The following NRG1 variants were observed in gnomAD, a reference collection of about 807,000 sequenced individuals.
NRG1 encodes pro-neuregulin-1, membrane-bound isoform.
NRG1 carries 18 observed loss-of-function variants against 63.8 expected under a neutral mutation model. The observed-to-expected ratio is 0.28, with a 90% CI of 0.19 to 0.42. The LOEUF (loss-of-function observed/expected upper bound fraction) is 0.42, where lower values mean the gene tolerates loss of function less well. Among genes scored for constraint, NRG1 ranks in the 10% least tolerant of loss-of-function variants. The pLI, the probability that NRG1 is intolerant of heterozygous loss-of-function variation, is 1.00. For missense variants in NRG1, 762 were observed against 814.7 expected (o/e 0.94, Z 0.79); for synonymous variants, 302 against 301.3 (o/e 1.00, Z -0.02).
At chr8:32,278,182 C>A (rs1472362844) in intron 1 of NRG1, among the ~76,000 whole-genome samples, 2 of 152,190 alleles carry the variant, frequency 1.3e-5, no homozygotes, top group Non-Finnish European at 2.9e-5. Context: ...AATTAATGAT[C>A]TTTCCTCATT....
intron 1 of NRG1, among the ~76,000 whole-genome samples, chr8:32,514,037 C>T (rs1345015285): frequency 2.0e-5 from 3 of 152,096 alleles, no homozygotes; most frequent in Admixed American, 6.6e-5. Context: ...AGGTTCATAA[C>T]CTAAGTATTT....
chr8:31,740,651 GTA>G (rs1425093418), intron 1 of NRG1, among the ~76,000 whole-genome samples: 2 of 151,598 alleles, frequency 1.3e-5, no homozygotes, highest in Admixed American at 1.3e-4. Flanking sequence ...CGATGTGTGT[GTA>G]TGTACCTGTG....
chr8:32,580,555 T>C (rs1369995569), intron 1 of NRG1, among the ~76,000 whole-genome samples: 2 of 152,180 alleles, frequency 1.3e-5, no homozygotes, highest in Non-Finnish European at 2.9e-5. Flanking sequence ...CCCTATGAGA[T>C]AGGTTCTATT....
intron 1 of NRG1, among the ~76,000 whole-genome samples, chr8:32,361,226 C>T (rs1328992032): frequency 6.6e-6 from 1 of 152,098 alleles, no homozygotes; most frequent in Non-Finnish European, 1.5e-5. Flanking sequence ...GAGACACACC[C>T]TGAACAAGCA....
chr8:31,642,261 C>T (rs2130834517), intron 1 of NRG1, among the ~76,000 whole-genome samples: 1 of 152,298 alleles, frequency 6.6e-6, no homozygotes. Context: ...TTTTAAGCAA[C>T]ACCACTGTCC....
chr8:32,548,670 G>C, exon 1 of NRG1: 1 of 1,535,648 alleles, frequency 6.5e-7, no homozygotes, highest in Non-Finnish European at 8.8e-7. Context: ...CCGAGCCCTT[G>C]GACCAAACTC....
At chr8:32,056,136 C>A (rs1432502821) in intron 1 of NRG1, among the ~76,000 whole-genome samples, 2 of 152,154 alleles carry the variant, frequency 1.3e-5, no homozygotes, top group East Asian at 1.9e-4. Flanking sequence ...ATGCATCTGT[C>A]TGACGAGAAT....
chr8:31,938,034 G>C (rs1390249136), intron 1 of NRG1, among the ~76,000 whole-genome samples: 1 of 152,112 alleles, frequency 6.6e-6, no homozygotes, highest in African/African-American at 2.4e-5. Context: ...CCTAGGGCAA[G>C]TTTGCAACCT....
intron 1 of NRG1, among the ~76,000 whole-genome samples, chr8:31,839,382 A>G (rs562357044): frequency 6.6e-5 from 10 of 152,278 alleles, no homozygotes; most frequent in African/African-American, 2.4e-4. Context: ...TAAACAGAAA[A>G]TATTTTCTTC....
intron 1 of NRG1, among the ~76,000 whole-genome samples, chr8:31,987,717 AC>A (rs1277188029): frequency 6.6e-6 from 1 of 151,948 alleles, no homozygotes; most frequent in Non-Finnish European, 1.5e-5. Context: ...CATGTAACAA[AC>A]CTGCACATGT....
chr8:31,957,450 ACC>A (rs1804646950), intron 1 of NRG1, among the ~76,000 whole-genome samples: 1 of 152,136 alleles, frequency 6.6e-6, no homozygotes, highest in African/African-American at 2.4e-5. Context: ...GTCTGTAATG[ACC>A]ATAAGCCACT....
chr8:32,036,867 G>A (rs1005789472), intron 1 of NRG1, among the ~76,000 whole-genome samples: 1 of 152,094 alleles, frequency 6.6e-6, no homozygotes, highest in Non-Finnish European at 1.5e-5. Context: ...TCTTTGCAAT[G>A]GATTAGGACA....
chr8:32,217,393 C>T (rs559055450), intron 1 of NRG1, among the ~76,000 whole-genome samples: 14 of 152,164 alleles, frequency 9.2e-5, no homozygotes, highest in African/African-American at 3.1e-4. Flanking sequence ...CCTAACGGAG[C>T]GTCCCCTGCT....
chr8:32,351,027 C>G (rs1000752581), intron 1 of NRG1, among the ~76,000 whole-genome samples: 12 of 152,108 alleles, frequency 7.9e-5, no homozygotes, highest in Non-Finnish European at 1.8e-4. Context: ...GATCTCATGT[C>G]CACTATCGGT....
At chr8:32,713,084 A>G (rs1338895519) in intron 5 of NRG1, among the ~76,000 whole-genome samples, 2 of 152,094 alleles carry the variant, frequency 1.3e-5, no homozygotes, top group Non-Finnish European at 2.9e-5. Context: ...TTGTGTATAT[A>G]CTTAGTGTAC....
chr8:31,960,525 A>G (rs1426634769), intron 1 of NRG1, among the ~76,000 whole-genome samples: 1 of 152,214 alleles, frequency 6.6e-6, no homozygotes, highest in Non-Finnish European at 1.5e-5. Flanking sequence ...CCAGGAGATA[A>G]TTTTATTCTG....
chr8:32,672,051 C>CT (rs35596033), intron 5 of NRG1, among the ~76,000 whole-genome samples: 23 of 145,340 alleles, frequency 1.6e-4, no homozygotes, highest in South Asian at 1.1e-3. Context: ...TCATCTCCTA[C>CT]TTTTTTTTTT....
chr8:31,948,029 A>G (rs1802894465), intron 1 of NRG1, among the ~76,000 whole-genome samples: 1 of 151,142 alleles, frequency 6.6e-6, no homozygotes, highest in Non-Finnish European at 1.5e-5. Context: ...AAATTACTAT[A>G]TATATTTATA....
In NRG1 at chr8:32,617,117, C is replaced by T. The variant is rs139042819; in HGVS notation, c.502+232C>T. 6.9e-3 allele frequency among the ~76,000 whole-genome samples: 1,056 copies of T among 152,186 alleles called. 13 individuals are homozygous for T. Among genetic ancestry groups the T allele is most frequent in the African/African-American group, 0.024 (986 of 41,516 alleles). Reference sequence around the variant, plus strand: ...ATATTAAAATACACCACAAATGTATCAGTTTTAGGGTAATCTGGTGGCTTT... The same window carrying T: ...ATATTAAAATACACCACAAATGTATTAGTTTTAGGGTAATCTGGTGGCTTT... On this transcript the variant is annotated intron_variant, in intron 5 of 11. Coordinates refer to ENST00000356819, the Ensembl canonical transcript of NRG1.
Sources: allele counts gnomAD v4.1 joint callset (sites outside exome capture counted in the v4.1 genomes callset), GRCh38; gene constraint gnomAD v4.1.1; transcripts MANE v1.5; gene names NCBI Gene and HGNC (gene_info 2026-07-23, HGNC 2026-07-21).